The following PRKAR1B variants were observed in gnomAD, a reference collection of about 807,000 sequenced individuals.
PRKAR1B encodes cAMP-dependent protein kinase type I-beta regulatory subunit.
Under a neutral mutation model 46.5 loss-of-function variants are expected in PRKAR1B, and 22 were observed. The ratio of observed to expected loss-of-function variants is 0.47; its 90% confidence interval spans 0.34 to 0.68. The LOEUF is 0.68. Ranked by LOEUF, PRKAR1B falls within the 30% of genes least tolerant of loss-of-function variation. The pLI is 0.01. For synonymous variants in PRKAR1B, 259 were observed against 217.7 expected (o/e 1.19, Z -1.67); for missense variants, 445 against 535.6 (o/e 0.83, Z 1.67).
chr7:680,848 G>A (rs1302081304), intron 2 of PRKAR1B, 122 bp from the exon 3 acceptor site: 2 of 1,151,158 alleles, frequency 1.7e-6, no homozygotes, highest in Non-Finnish European at 2.5e-6. Flanking sequence ...TTGAACTCAG[G>A]AGTTGGACAT....
intron 1 of PRKAR1B, among the ~76,000 whole-genome samples, chr7:724,726 CA>C (rs1161396148): frequency 6.6e-6 from 1 of 152,204 alleles, no homozygotes; most frequent in Non-Finnish European, 1.5e-5. Flanking sequence ...CGGTTAAACA[CA>C]TACTAATTTA....
In PRKAR1B at chr7:606,944, G is replaced by A. The variant is rs548622685; in HGVS notation, c.502+447C>T. On this transcript the variant is annotated intron_variant, in intron 5 of 10. Transcript: ENST00000537384. ...TACACACATATGTGTGCACATATAC[G>A]TGCATATATATGTAGACATATATGC... 9.2e-5 allele frequency among the ~76,000 whole-genome samples: 14 copies of A among 152,012 alleles called. No individual in the cohort carries two copies. The East Asian group carries it at 1.9e-3, about 21-fold the overall frequency.
chr7:679,271 C>T (rs185880451), intron 3 of PRKAR1B, among the ~76,000 whole-genome samples: 3 of 152,366 alleles, frequency 2.0e-5, no homozygotes, highest in Admixed American at 1.3e-4. Context: ...CTAATCTGTT[C>T]TTCCTTTGTT....
At chr7:586,797 C>T (rs1489716411) in intron 7 of PRKAR1B, among the ~76,000 whole-genome samples, 2 of 151,998 alleles carry the variant, frequency 1.3e-5, no homozygotes, top group Admixed American at 6.6e-5. Context: ...GTCCTGCAGG[C>T]GGCTGGCATA....
chr7:697,978 A>AGGGAGCGGAG (rs1779847025), intron 2 of PRKAR1B, among the ~76,000 whole-genome samples: 1 of 67,932 alleles, frequency 1.5e-5, no homozygotes, highest in Non-Finnish European at 2.7e-5. Flanking sequence ...AGGGAAGGGA[A>AGGGAGCGGAG]GGGAGCGGAG....
upstream of PRKAR1B, among the ~76,000 whole-genome samples, chr7:728,721 C>G (rs1781453336): frequency 6.6e-6 from 1 of 152,230 alleles, no homozygotes; most frequent in Non-Finnish European, 1.5e-5. Flanking sequence ...GTGCCCCAGC[C>G]CCAAGCGCAG....
At chr7:638,415 C>T (rs1019098666) in intron 4 of PRKAR1B, among the ~76,000 whole-genome samples, 2 of 152,112 alleles carry the variant, frequency 1.3e-5, no homozygotes, top group Admixed American at 6.5e-5. Flanking sequence ...CCGGGGGCCT[C>T]GGGACAGGTG....
intron 4 of PRKAR1B, among the ~76,000 whole-genome samples, chr7:655,707 A>T (rs140211304): frequency 0.012 from 1,855 of 152,298 alleles, 20 homozygotes; most frequent in South Asian, 0.02. Flanking sequence ...CCTGAAGGAG[A>T]TCCTCACTAA....
intron 2 of PRKAR1B, chr7:696,587 G>C (rs918034260): frequency 6.6e-6 from 1 of 152,266 alleles, no homozygotes; most frequent in Non-Finnish European, 1.5e-5. Context: ...ATGGGACTTA[G>C]CTTTTGAGAT....
chr7:664,936 C>T (rs7809325), intron 4 of PRKAR1B, among the ~76,000 whole-genome samples: 24,272 of 151,982 alleles, frequency 0.16, 2,120 homozygotes, highest in South Asian at 0.28. Flanking sequence ...ACAAAAATCT[C>T]AGGGCACCAA....
intron 4 of PRKAR1B, among the ~76,000 whole-genome samples, chr7:615,956 TAAAA>T (rs956587776): frequency 1.8e-4 from 17 of 92,102 alleles, no homozygotes; most frequent in South Asian, 1.1e-3. Context: ...GAAAGAAAAA[TAAAA>T]AAAGAAACAG....
At chr7:594,816 G>A (rs1257487523) in intron 7 of PRKAR1B, among the ~76,000 whole-genome samples, 7 of 151,964 alleles carry the variant, frequency 4.6e-5, no homozygotes, top group African/African-American at 1.7e-4. Flanking sequence ...AAGACCATGA[G>A]GGGATCCCCT....
chr7:550,682 G>GT (rs1784127648), intron 10 of PRKAR1B, 80 bp from the exon 11 acceptor site: 3 of 1,244,712 alleles, frequency 2.4e-6, no homozygotes, highest in South Asian at 3.2e-5. Flanking sequence ...CCAGGACCCT[G>GT]GAAGCGGCTC....
rs556202895 is a variant in PRKAR1B, at chr7:628,062, G to A, written c.441-20610C>T. 2.0e-3 allele frequency among the ~76,000 whole-genome samples: 311 copies of A among 152,242 alleles called. 1 individual carries two copies. The highest frequency in any genetic ancestry group is 4.1e-3 in the Non-Finnish European group (277 of 68,018). On this transcript the variant is annotated intron_variant, in intron 4 of 10. Coordinates refer to ENST00000537384, the MANE Select transcript of PRKAR1B (RefSeq NM_001164760.2). ...GGGGGAGTGGGACTGAAGGCCCCCCGAACTCATCTCCCCAAAGACCATGCG... is the reference window on the plus strand; with the variant it reads ...GGGGGAGTGGGACTGAAGGCCCCCCAAACTCATCTCCCCAAAGACCATGCG...
intron 1 of PRKAR1B, chr7:726,900 A>G: frequency 7.4e-7 from 1 of 1,344,908 alleles, no homozygotes; most frequent in Non-Finnish European, 9.5e-7. Flanking sequence ...TGGAGGAGCC[A>G]GGCCCTGCCG....
At chr7:591,057 T>C (rs1169838930) in intron 7 of PRKAR1B, among the ~76,000 whole-genome samples, 1 of 152,256 alleles carries the variant, frequency 6.6e-6, no homozygotes, top group African/African-American at 2.4e-5. Flanking sequence ...TGCCCAGCAA[T>C]TACGCCCAGC....
chr7:588,547 CGGTGGTGAT>C (rs1780745484), intron 7 of PRKAR1B, among the ~76,000 whole-genome samples: 2 of 4,914 alleles, frequency 4.1e-4, no homozygotes, highest in South Asian at 0.015. Context: ...ATGGTGGTGA[CGGTGGTGAT>C]GGTGGTGATG....
chr7:592,073 C>G (rs1472757955), intron 7 of PRKAR1B, among the ~76,000 whole-genome samples: 1 of 152,208 alleles, frequency 6.6e-6, no homozygotes, highest in Non-Finnish European at 1.5e-5. Flanking sequence ...TTTCCTCCCA[C>G]CAGGGCCTCC....
At chr7:693,665 G>C (rs1030450252) in intron 2 of PRKAR1B, among the ~76,000 whole-genome samples, 2 of 152,184 alleles carry the variant, frequency 1.3e-5, no homozygotes, top group African/African-American at 4.8e-5. Context: ...GACGTGCGAG[G>C]TTTTCACATC....
Sources: gnomAD v4.1 joint callset for allele counts (sites outside exome capture counted in the v4.1 genomes callset) on GRCh38, gnomAD v4.1.1 for gene constraint, MANE v1.5 for transcripts, NCBI Gene and HGNC (gene_info 2026-07-23, HGNC 2026-07-21) for gene names.